The following LHFPL3 variants were observed in gnomAD, a reference collection of about 807,000 sequenced individuals.
The protein encoded by LHFPL3 is LHFPL tetraspan subfamily member 3 protein.
In LHFPL3, 5 loss-of-function variants were observed where a neutral mutation model predicts 19.3. The observed-to-expected ratio is 0.26, with a 90% CI of 0.14 to 0.54. The LOEUF is 0.54. Ranked by LOEUF, LHFPL3 falls within the 20% of genes least tolerant of loss-of-function variation. LHFPL3 has a pLI of 0.94. For synonymous variants in LHFPL3, 133 were observed against 126.2 expected (o/e 1.05, Z -0.36); for missense variants, 249 against 307.4 (o/e 0.81, Z 1.42).
intron 1 of LHFPL3, among the ~76,000 whole-genome samples, chr7:104,527,193 G>A (rs558412056): frequency 2.0e-5 from 3 of 152,272 alleles, no homozygotes; most frequent in Admixed American, 6.5e-5. Flanking sequence ...TGGGCAGGGG[G>A]CGGATATTGT....
chr7:104,614,649 T>TCC (rs1791283244), intron 1 of LHFPL3, among the ~76,000 whole-genome samples: 16 of 118,672 alleles, frequency 1.3e-4, no homozygotes, highest in African/African-American at 4.9e-4. Context: ...TTCTCTTCTC[T>TCC]TCTCTCCTTC....
chr7:104,382,721 A>T (rs1307937424), intron 1 of LHFPL3, among the ~76,000 whole-genome samples: 1 of 152,230 alleles, frequency 6.6e-6, no homozygotes, highest in East Asian at 1.9e-4. Context: ...CCGTAAAGAA[A>T]TGTAAAAAAC....
intron 1 of LHFPL3, among the ~76,000 whole-genome samples, chr7:104,513,651 C>A (rs1351493253): frequency 6.6e-6 from 1 of 152,120 alleles, no homozygotes; most frequent in African/African-American, 2.4e-5. Context: ...TACAATTTCT[C>A]TCTCCCCTCC....
intron 1 of LHFPL3, among the ~76,000 whole-genome samples, chr7:104,610,489 G>C (rs149423944): frequency 2.2e-4 from 33 of 152,200 alleles, no homozygotes; most frequent in African/African-American, 7.2e-4. Context: ...CCAGCTGGTT[G>C]GCAAACTGGA....
chr7:104,359,623 C>A (rs1363108522), intron 1 of LHFPL3, among the ~76,000 whole-genome samples: 1 of 152,212 alleles, frequency 6.6e-6, no homozygotes, highest in Admixed American at 6.5e-5. Context: ...CAGCTTTAAT[C>A]TTTGTGGGAG....
At chr7:104,411,117 G>A (rs1208928808) in intron 1 of LHFPL3, among the ~76,000 whole-genome samples, 2 of 152,182 alleles carry the variant, frequency 1.3e-5, no homozygotes, top group African/African-American at 4.8e-5. Context: ...AAGATAATAT[G>A]AGTTTAGTTG....
rs1261402460 is a variant in LHFPL3 at position 104,824,790 on chromosome 7, TTC to T, written c.683-81393_683-81392del. On this transcript the variant is annotated intron_variant, in intron 2 of 2. Coordinates refer to ENST00000424859, the MANE Select transcript of LHFPL3 (RefSeq NM_199000.3). ...ATATTATATATTATATATTTCAAAC[TTC>T]TCTGTTTCAAAAAATATATATAATG... 2.4e-3 allele frequency among the ~76,000 whole-genome samples: 289 copies of T among 119,636 alleles called. 5 individuals carry two copies. In the East Asian group the frequency reaches 0.031, roughly 13 times the overall value. The allele number at this position is 119,636 out of a possible 152,430, so 78.5% of individuals were successfully genotyped here.
intron 1 of LHFPL3, among the ~76,000 whole-genome samples, chr7:104,581,256 TA>T (rs1790455046): frequency 6.6e-6 from 1 of 152,090 alleles, no homozygotes; most frequent in Non-Finnish European, 1.5e-5. Flanking sequence ...TGTGTTGTTT[TA>T]AAATCCTTGA....
At chr7:104,505,602 A>G (rs568246167) in intron 1 of LHFPL3, among the ~76,000 whole-genome samples, 3 of 152,090 alleles carry the variant, frequency 2.0e-5, no homozygotes, top group Admixed American at 6.6e-5. Flanking sequence ...AAAAATTTAA[A>G]CTCTTTGGGA....
At chr7:104,441,966 C>T (rs542541214) in intron 1 of LHFPL3, among the ~76,000 whole-genome samples, 169 of 152,270 alleles carry the variant, frequency 1.1e-3, no homozygotes, top group South Asian at 1.9e-3. Flanking sequence ...GAAGAAGTCT[C>T]GGTACTGTTT....
chr7:104,556,875 T>A (rs1789846245), intron 1 of LHFPL3, among the ~76,000 whole-genome samples: 1 of 152,214 alleles, frequency 6.6e-6, no homozygotes, highest in African/African-American at 2.4e-5. Context: ...TTCCACCAGA[T>A]ACCCTAAATC....
intron 2 of LHFPL3, among the ~76,000 whole-genome samples, chr7:104,765,848 A>G (rs975508458): frequency 6.6e-6 from 1 of 152,214 alleles, no homozygotes; most frequent in African/African-American, 2.4e-5. Flanking sequence ...ACTGTAGCAC[A>G]GTGATGGAAG....
intron 1 of LHFPL3, among the ~76,000 whole-genome samples, chr7:104,578,659 C>G (rs1790394802): frequency 6.6e-6 from 1 of 152,200 alleles, no homozygotes; most frequent in Non-Finnish European, 1.5e-5. Flanking sequence ...AGCCTGCCCA[C>G]CTGTGCACCC....
chr7:104,516,230 T>C (rs777630449), intron 1 of LHFPL3, among the ~76,000 whole-genome samples: 9 of 151,976 alleles, frequency 5.9e-5, no homozygotes, highest in Non-Finnish European at 1.0e-4. Context: ...GTGGGGAAAG[T>C]GCCTAGCAAA....
intron 1 of LHFPL3, among the ~76,000 whole-genome samples, chr7:104,356,421 G>A (rs1584263526): frequency 6.6e-6 from 1 of 152,260 alleles, no homozygotes; most frequent in East Asian, 1.9e-4. Flanking sequence ...TAAATGGCCT[G>A]GAGTCATCCT....
intron 1 of LHFPL3, among the ~76,000 whole-genome samples, chr7:104,402,422 T>G (rs1791331448): frequency 6.6e-6 from 1 of 152,222 alleles, no homozygotes; most frequent in South Asian, 2.1e-4. Context: ...TGGTTTCCTC[T>G]TAGAATTTTC....
intron 1 of LHFPL3, among the ~76,000 whole-genome samples, chr7:104,528,268 T>C (rs933524378): frequency 3.9e-5 from 6 of 152,224 alleles, no homozygotes; most frequent in Non-Finnish European, 7.3e-5. Context: ...TGAGTTGCTA[T>C]GATTGGAAGA....
chr7:104,811,117 CTCTT>C (rs1174650636), intron 2 of LHFPL3, among the ~76,000 whole-genome samples: 5 of 149,698 alleles, frequency 3.3e-5, no homozygotes, highest in African/African-American at 1.2e-4. Flanking sequence ...TTCTTTCTCT[CTCTT>C]TCTCTCTCTC....
At chr7:104,691,125 A>G (rs1238368858) in intron 1 of LHFPL3, among the ~76,000 whole-genome samples, 1 of 152,210 alleles carries the variant, frequency 6.6e-6, no homozygotes, top group Non-Finnish European at 1.5e-5. Context: ...TCAAATCACC[A>G]TGCATCCTGA....
Sources: gnomAD v4.1 joint callset for allele counts (sites outside exome capture counted in the v4.1 genomes callset) on GRCh38, gnomAD v4.1.1 for gene constraint, MANE v1.5 for transcripts, NCBI Gene and HGNC (gene_info 2026-07-23, HGNC 2026-07-21) for gene names.